ANXA10: variants seen among roughly 807,000 people sequenced by gnomAD.
ANXA10 encodes the protein annexin A10.
ANXA10 carries 49 observed loss-of-function variants against 53.5 expected under a neutral mutation model. The observed-to-expected ratio is 0.92, with a 90% confidence interval of 0.73 to 1.16. The LOEUF (loss-of-function observed/expected upper bound fraction) is 1.16, where lower values mean the gene tolerates loss of function less well. Ranked by LOEUF, ANXA10 falls within the 50% of genes most tolerant of loss-of-function variation. ANXA10 has a pLI of 0.00. For synonymous variants in ANXA10, 131 were observed against 128.9 expected, an observed-to-expected ratio of 1.02 and a Z score of -0.11; for missense variants, 393 against 394.4, an observed-to-expected ratio of 1.00 and a Z score of 0.03.
intron 11 of ANXA10, among the ~76,000 whole-genome samples, chr4:168,187,017 C>G (rs547283589): frequency 1.6e-4 from 25 of 152,050 alleles, no homozygotes; most frequent in African/African-American, 5.1e-4. Context: ...TTAATTTGTT[C>G]TCCACATTCT....
At chr4:168,117,219 G>A (rs555781950) in intron 1 of ANXA10, among the ~76,000 whole-genome samples, 12 of 151,900 alleles carry the variant, frequency 7.9e-5, no homozygotes, top group Non-Finnish European at 1.3e-4. Flanking sequence ...CTCCAGCCTG[G>A]GCAACAGAAA....
intron 3 of ANXA10, among the ~76,000 whole-genome samples, chr4:168,148,643 C>A (rs1731444386): frequency 6.6e-6 from 1 of 152,080 alleles, no homozygotes; most frequent in Non-Finnish European, 1.5e-5. Context: ...GTTTTATACT[C>A]CCTCAAATTA....
intron 3 of ANXA10, among the ~76,000 whole-genome samples, chr4:168,143,993 A>T (rs957567858): frequency 6.6e-6 from 1 of 152,136 alleles, no homozygotes; most frequent in African/African-American, 2.4e-5. Context: ...GGCCTAATCT[A>T]AAGCTGTCAC....
At chr4:168,174,242 A>T (rs906137924) in intron 6 of ANXA10, among the ~76,000 whole-genome samples, 1 of 152,112 alleles carries the variant, frequency 6.6e-6, no homozygotes, top group Non-Finnish European at 1.5e-5. Flanking sequence ...TTGGCTCCAC[A>T]TGCCCCCTTT....
intron 2 of ANXA10, among the ~76,000 whole-genome samples, chr4:168,131,214 ACTT>A (rs1731152205): frequency 6.6e-6 from 1 of 151,778 alleles, no homozygotes; most frequent in African/African-American, 2.4e-5. Context: ...TTCTCTTGTC[ACTT>A]CTTCTTAGTC....
intron 8 of ANXA10, among the ~76,000 whole-genome samples, chr4:168,178,642 G>T (rs1438123385): frequency 6.6e-6 from 1 of 152,056 alleles, no homozygotes; most frequent in Admixed American, 6.5e-5. Flanking sequence ...CTAATTTTCA[G>T]TAAGAATGGA....
At chr4:168,167,865 C>G (rs1578930780) in intron 6 of ANXA10, among the ~76,000 whole-genome samples, 1 of 152,130 alleles carries the variant, frequency 6.6e-6, no homozygotes, top group Non-Finnish European at 1.5e-5. Flanking sequence ...CCGGGTATTA[C>G]TAGAGGGCTG....
intron 1 of ANXA10, among the ~76,000 whole-genome samples, chr4:168,100,750 T>TA (rs1367963636): frequency 6.6e-6 from 1 of 152,136 alleles, no homozygotes; most frequent in Non-Finnish European, 1.5e-5. Context: ...GATATGCACC[T>TA]AAAAATACTA....
chr4:168,119,959 C>G (rs1184420169), intron 1 of ANXA10, among the ~76,000 whole-genome samples: 1 of 151,920 alleles, frequency 6.6e-6, no homozygotes, highest in Non-Finnish European at 1.5e-5. Context: ...ACAGTAAGTT[C>G]CTTACCTTTG....
intron 2 of ANXA10, among the ~76,000 whole-genome samples, chr4:168,130,546 T>C (rs1578905926): frequency 6.6e-6 from 1 of 152,156 alleles, no homozygotes; most frequent in East Asian, 1.9e-4. Flanking sequence ...AGAAAATTGA[T>C]ATTTCTTTCT....
intron 1 of ANXA10, among the ~76,000 whole-genome samples, chr4:168,121,582 G>A (rs1730985849): frequency 6.6e-6 from 1 of 151,972 alleles, no homozygotes. Flanking sequence ...TCAAAAATTT[G>A]ATTAAAAACA....
intron 10 of ANXA10, among the ~76,000 whole-genome samples, chr4:168,182,279 T>TTCAGTGTG (rs1290905080): frequency 1.3e-5 from 2 of 151,340 alleles, no homozygotes; most frequent in African/African-American, 4.9e-5. Flanking sequence ...TTTTTCATAC[T>TTCAGTGTG]TCAGTGTGTT....
In ANXA10 at chr4:168,116,240, GA is replaced by G. The variant is rs547312386; in HGVS notation, c.19-11834del. 5.3e-4 allele frequency among the ~76,000 whole-genome samples: 79 copies of G among 149,562 alleles called. No homozygotes were observed. The East Asian group carries it at 5.9e-3, about 11-fold the overall frequency. On this transcript the variant is annotated intron_variant, in intron 1 of 11. Transcript: ENST00000359299. ...AATCCATATAGACAAAACACGTGCAGAAAAAAAAAATCTTACTTTTTGAATC... is the reference window on the plus strand; with the variant it reads ...AATCCATATAGACAAAACACGTGCAGAAAAAAAAATCTTACTTTTTGAATC...
chr4:168,175,837 C>T (rs990624722), intron 6 of ANXA10, among the ~76,000 whole-genome samples: 2 of 152,298 alleles, frequency 1.3e-5, no homozygotes, highest in South Asian at 2.1e-4. Flanking sequence ...TCCAGGGCTA[C>T]ACATTTATGC....
intron 10 of ANXA10, among the ~76,000 whole-genome samples, chr4:168,182,418 C>A (rs1338447899): frequency 7.5e-6 from 1 of 132,858 alleles, no homozygotes; most frequent in Non-Finnish European, 1.5e-5. Flanking sequence ...GCAAGCTCTG[C>A]CTCCCGGGTT....
chr4:168,186,558 G>T (rs1285672464), intron 11 of ANXA10, among the ~76,000 whole-genome samples: 1 of 152,136 alleles, frequency 6.6e-6, no homozygotes, highest in Non-Finnish European at 1.5e-5. Flanking sequence ...ATGAGAAGAA[G>T]GCTGTCTACG....
chr4:168,153,058 A>G (rs6552509), intron 3 of ANXA10, among the ~76,000 whole-genome samples: 149,186 of 152,042 alleles, frequency 0.98, 73,197 homozygotes, highest in East Asian at 1. Flanking sequence ...TGCCCAGTCT[A>G]GTCTTGAACT....
chr4:168,156,029 ATATAG>A (rs1731648697), intron 3 of ANXA10, among the ~76,000 whole-genome samples: 2 of 28,390 alleles, frequency 7.0e-5, no homozygotes, highest in African/African-American at 2.9e-4. Context: ...AATATATTAT[ATATAG>A]TATTATATTA....
chr4:168,161,619 T>C (rs1422540507), intron 3 of ANXA10, among the ~76,000 whole-genome samples: 2 of 152,206 alleles, frequency 1.3e-5, no homozygotes, highest in African/African-American at 4.8e-5. Context: ...GGGAGTTTAA[T>C]GGGGATAGCA....
Sources: allele counts gnomAD v4.1 joint callset (sites outside exome capture counted in the v4.1 genomes callset), GRCh38; gene constraint gnomAD v4.1.1; transcripts MANE v1.5; gene names NCBI Gene and HGNC (gene_info 2026-07-23, HGNC 2026-07-21).